Variants in NUCKS1 observed in about 807,000 individuals in gnomAD.
NUCKS1 encodes the protein nuclear ubiquitous casein and cyclin-dependent kinase substrate 1.
NUCKS1 carries 2 observed loss-of-function variants against 33.0 expected under a neutral mutation model. The observed-to-expected ratio is 0.06, with a 90% CI of 0.02 to 0.19. The LOEUF is 0.19. NUCKS1 is among the 10% of genes least tolerant of loss of function. The pLI, the probability that NUCKS1 is intolerant of heterozygous loss-of-function variation, is 1.00. For missense variants in NUCKS1, 201 were observed against 293.6 expected (o/e 0.68, Z 2.31); for synonymous variants, 106 against 102.8 (o/e 1.03, Z -0.19).
At chr1:205,727,517 A>G (rs1211577516) in intron 3 of NUCKS1, among the ~76,000 whole-genome samples, 183 bp downstream of exon 3, 1 of 152,228 alleles carries the variant, frequency 6.6e-6, no homozygotes, top group East Asian at 1.9e-4. Flanking sequence ...TGTCAGTATT[A>G]ACCTTAGATA....
intron 1 of NUCKS1, among the ~76,000 whole-genome samples, chr1:205,738,907 C>T (rs968071143): frequency 6.6e-6 from 1 of 152,126 alleles, no homozygotes; most frequent in Non-Finnish European, 1.5e-5. Flanking sequence ...GAGAACCTGT[C>T]TCAAATGAAT....
chr1:205,750,015 A>AGGGGGGGGGGGGG lies in NUCKS1; in HGVS notation c.-43_-42insCCCCCCCCCCCCC. The AGGGGGGGGGGGGG allele has an allele frequency of 1.3e-6, 2 of 1,506,252 alleles. No homozygotes were observed. Among genetic ancestry groups the AGGGGGGGGGGGGG allele is most frequent in the East Asian group, 2.8e-5 (1 of 36,318 alleles). The allele number at this position is 1,506,252 out of a possible 1,614,324, so 93.3% of individuals were successfully genotyped here. A position where few individuals can be genotyped will look rare whatever the true frequency, so the allele number is the denominator to read the frequency against. On this transcript the variant is annotated 5_prime_UTR_variant, in exon 1 of 7. Transcript: ENST00000367142. The stretch of plus-strand genomic sequence containing the variant: ...GGACCGAGTCGAGAAGCCAAAGACC[A>AGGGGGGGGGGGGG]GGACCCCCCCCACCCCGCGCGCTCG...
At chr1:205,746,475 AC>A (rs1376658830) in intron 1 of NUCKS1, among the ~76,000 whole-genome samples, 1 of 146,514 alleles carries the variant, frequency 6.8e-6, no homozygotes, top group African/African-American at 2.5e-5. Context: ...ACACACACAC[AC>A]ACACACACAC....
chr1:205,724,407 C>A (rs183330060), intron 3 of NUCKS1, among the ~76,000 whole-genome samples: 1 of 152,106 alleles, frequency 6.6e-6, no homozygotes, highest in Non-Finnish European at 1.5e-5. Context: ...TTAAAAGGAA[C>A]TGTAGTCCGG....
intron 1 of NUCKS1, among the ~76,000 whole-genome samples, chr1:205,745,452 TG>T (rs925333641): frequency 6.6e-6 from 1 of 151,914 alleles, no homozygotes; most frequent in African/African-American, 2.4e-5. Context: ...ATCGCACCAG[TG>T]CACTCCCGCC....
intron 1 of NUCKS1, among the ~76,000 whole-genome samples, chr1:205,734,253 T>C (rs944702741): frequency 6.6e-6 from 1 of 152,148 alleles, no homozygotes; most frequent in South Asian, 2.1e-4. Context: ...TATCCTACTT[T>C]TCAACAAACA....
At chr1:205,749,481 G>A (rs922136054) in intron 1 of NUCKS1, among the ~76,000 whole-genome samples, 6 of 152,110 alleles carry the variant, frequency 3.9e-5, no homozygotes, top group African/African-American at 1.4e-4. Context: ...AGAGGGCTCA[G>A]GGCCCCCACC....
intron 1 of NUCKS1, among the ~76,000 whole-genome samples, chr1:205,740,796 T>C (rs938748223): frequency 8.1e-5 from 12 of 147,956 alleles, no homozygotes; most frequent in African/African-American, 1.5e-4. Flanking sequence ...CCAGACACAT[T>C]TACTAGATCA....
At chr1:205,725,698 C>A (rs192345538) in intron 3 of NUCKS1, among the ~76,000 whole-genome samples, 2 of 152,206 alleles carry the variant, frequency 1.3e-5, no homozygotes, top group East Asian at 3.9e-4. Flanking sequence ...AGAATAAATA[C>A]ACAAGGCATA....
chr1:205,729,276 G>A (rs1653851839), intron 2 of NUCKS1, among the ~76,000 whole-genome samples: 1 of 152,152 alleles, frequency 6.6e-6, no homozygotes, highest in East Asian at 1.9e-4. Context: ...GCTGACAGCA[G>A]GAGATATTTT....
chr1:205,735,806 T>C (rs1169982864), intron 1 of NUCKS1, among the ~76,000 whole-genome samples: 3 of 152,228 alleles, frequency 2.0e-5, no homozygotes, highest in Admixed American at 1.3e-4. Context: ...TTTGAACACA[T>C]AACTAACTCT....
At chr1:205,737,370 T>A (rs1006164107) in intron 1 of NUCKS1, among the ~76,000 whole-genome samples, 1 of 152,208 alleles carries the variant, frequency 6.6e-6, no homozygotes, top group African/African-American at 2.4e-5. Context: ...TTCCCCAACT[T>A]CTTAACATCT....
rs920160315 is a variant in NUCKS1 at position 205,715,559 on chromosome 1, T to A, written c.*2721A>T. The A allele has an allele frequency of 6.6e-6, 1 of 152,156 alleles. No individual in the cohort carries two copies. The highest frequency in any genetic ancestry group is 1.5e-5 in the Non-Finnish European group (1 of 68,038). 9.4% of individuals were successfully genotyped at this position (152,156 alleles called of 1,614,324 possible). A position where few individuals can be genotyped will look rare whatever the true frequency, so the allele number is the denominator to read the frequency against. On this transcript the variant is annotated 3_prime_UTR_variant, in exon 7 of 7. Coordinates refer to ENST00000367142, the MANE Select transcript of NUCKS1 (RefSeq NM_022731.5). ...CAGGTTACAGAAAGACTGAATAAGA[T>A]GAAAGTATGCTACGTATGTCTAGCT...
intron 1 of NUCKS1, chr1:205,731,258 A>G (rs1653902494): frequency 6.6e-6 from 1 of 152,320 alleles, no homozygotes; most frequent in Admixed American, 6.5e-5. Context: ...ACCTCAGGAA[A>G]GAACTAGTTC....
Position 205,717,649 on chromosome 1 carries a change from T to TA in NUCKS1, c.*630dup. On this transcript the variant is annotated 3_prime_UTR_variant, in exon 7 of 7. Transcript: ENST00000367142. ...CCCATTGCCCACCCTCCCTACAAGG[T>TA]AAAAAATGAGTACTTTTAGTAACAG... 7.1e-6 allele frequency: 7 copies of TA among 985,204 alleles called. No homozygotes were observed. The highest frequency in any genetic ancestry group is 8.4e-6 in the Non-Finnish European group (7 of 829,890). The allele number at this position is 985,204 out of a possible 1,614,324, so 61.0% of individuals were successfully genotyped here. A position where few individuals can be genotyped will look rare whatever the true frequency, so the allele number is the denominator to read the frequency against.
At chr1:205,745,038 T>G (rs1202875654) in intron 1 of NUCKS1, among the ~76,000 whole-genome samples, 1 of 152,160 alleles carries the variant, frequency 6.6e-6, no homozygotes, top group Non-Finnish European at 1.5e-5. Context: ...GAATTCCACA[T>G]TTTTCAAAAA....
intron 1 of NUCKS1, among the ~76,000 whole-genome samples, chr1:205,734,604 T>G (rs1653989255): frequency 6.6e-6 from 1 of 151,782 alleles, no homozygotes; most frequent in Non-Finnish European, 1.5e-5. Context: ...TCATAATAAT[T>G]TGGTTCAGGC....
At chr1:205,729,252 A>T (rs1273314299) in intron 2 of NUCKS1, among the ~76,000 whole-genome samples, 8 of 152,238 alleles carry the variant, frequency 5.3e-5, no homozygotes, top group African/African-American at 1.9e-4. Context: ...TACAGGCATG[A>T]GCCATGGCGA....
rs1262763157 is a variant in NUCKS1 at position 205,717,555 on chromosome 1, G to A, written c.*725C>T. 8 of 983,664 alleles carry A rather than the reference G, an allele frequency of 8.1e-6. No individual in the cohort carries two copies. The highest frequency in any genetic ancestry group is 1.1e-4 in the East Asian group (1 of 8,784). The allele number at this position is 983,664 out of a possible 1,614,324, so 60.9% of individuals were successfully genotyped here. On this transcript the variant is annotated 3_prime_UTR_variant, in exon 7 of 7. Transcript: ENST00000367142. ...GCAGGATAAAAGGATCACTGGCTCCGAGTCTCTTTGAGATAACAAGTGATG... is the reference window on the plus strand; with the variant it reads ...GCAGGATAAAAGGATCACTGGCTCCAAGTCTCTTTGAGATAACAAGTGATG...
Sources: allele counts gnomAD v4.1 joint callset (sites outside exome capture counted in the v4.1 genomes callset), GRCh38; gene constraint gnomAD v4.1.1; transcripts MANE v1.5; gene names NCBI Gene and HGNC (gene_info 2026-07-23, HGNC 2026-07-21).